DMXL2: variants seen among roughly 807,000 people sequenced by gnomAD.
DMXL2 encodes the protein dmX-like protein 2.
A neutral mutation model predicts 331.1 loss-of-function variants in DMXL2; 103 were observed. The observed-to-expected ratio is 0.31, with a 90% CI of 0.27 to 0.37. DMXL2 has a LOEUF of 0.37. Ranked by LOEUF, DMXL2 falls within the 10% of genes least tolerant of loss-of-function variation. The pLI, the probability that DMXL2 is intolerant of heterozygous loss-of-function variation, is 1.00. For synonymous variants in DMXL2, 1,281 were observed against 1,252.1 expected (o/e 1.02, Z -0.49); for missense variants, 3,171 against 3,642.9 (o/e 0.87, Z 3.33).
chr15:51,606,661 T>G (rs952746622), intron 1 of DMXL2, among the ~76,000 whole-genome samples: 2 of 152,314 alleles, frequency 1.3e-5, no homozygotes, highest in Middle Eastern at 3.4e-3. Flanking sequence ...GGGCCTTAGG[T>G]TATTCCTAAA....
chr15:51,532,590 T>G (rs933659804), intron 13 of DMXL2, among the ~76,000 whole-genome samples: 1 of 152,162 alleles, frequency 6.6e-6, no homozygotes, highest in African/African-American at 2.4e-5. Flanking sequence ...CCATTTTCCA[T>G]TATTTGATTA....
intron 1 of DMXL2, among the ~76,000 whole-genome samples, chr15:51,579,200 T>A (rs114699450): frequency 0.019 from 2,883 of 152,270 alleles, 91 homozygotes; most frequent in African/African-American, 0.065. Flanking sequence ...ATGGAACAAC[T>A]TATGTCTGGT....
chr15:51,518,441 A>G (rs2047159830), intron 13 of DMXL2, among the ~76,000 whole-genome samples: 1 of 152,242 alleles, frequency 6.6e-6, no homozygotes, highest in South Asian at 2.1e-4. Context: ...AAATTTTTGT[A>G]GCACACAACA....
intron 1 of DMXL2, among the ~76,000 whole-genome samples, chr15:51,615,466 T>C (rs1467013197): frequency 1.3e-5 from 2 of 152,222 alleles, no homozygotes; most frequent in African/African-American, 4.8e-5. Context: ...TGTGGAGGAC[T>C]ATCCCGTGCA....
In DMXL2 at chr15:51,488,234, T is replaced by C. The variant is rs532348554; in HGVS notation, c.5052-115A>G. 2.1e-4 allele frequency: 209 copies of C among 1,014,326 alleles called. 3 individuals are homozygous for C. In the African/African-American group the frequency reaches 3.3e-3, roughly 16 times the overall value. 62.8% of individuals were successfully genotyped at this position (1,014,326 alleles called of 1,614,324 possible). On this transcript the variant is annotated intron_variant, in intron 21 of 43. Transcript: ENST00000560891. The stretch of plus-strand genomic sequence containing the variant: ...GAAATCTAAAAGAAGAACAATAACT[T>C]CAAGGACAGGCATTTGTTATCAAGC...
At chr15:51,537,992 C>T (rs1340697684) in intron 10 of DMXL2, among the ~76,000 whole-genome samples, 1 of 152,136 alleles carries the variant, frequency 6.6e-6, no homozygotes, top group Non-Finnish European at 1.5e-5. Flanking sequence ...AAAACCTGTT[C>T]CCCAGAAAAG....
In DMXL2 at chr15:51,502,093, A is replaced by G. The variant is rs549848063; in HGVS notation, c.2992+713T>C. On this transcript the variant is annotated intron_variant, in intron 17 of 43. Coordinates refer to ENST00000560891, the MANE Select transcript of DMXL2 (RefSeq NM_001378457.1). ...AAAATACAAAAAAAATTAGCTGGGC[A>G]TGGTGGTGGATGCCTGTAGTCCCAA... Among the ~76,000 whole-genome samples, 19 of 151,384 alleles carry G rather than the reference A, an allele frequency of 1.3e-4. No individual in the cohort carries two copies. In the East Asian group the frequency reaches 1.6e-3, roughly 12 times the overall value.
At chr15:51,529,736 A>T (rs1475325412) in intron 13 of DMXL2, among the ~76,000 whole-genome samples, 2 of 152,206 alleles carry the variant, frequency 1.3e-5, no homozygotes, top group Admixed American at 6.5e-5. Flanking sequence ...AGAAGGAAGG[A>T]ATACTTTCAA....
At chr15:51,507,894 T>A (rs2046505080) in intron 15 of DMXL2, among the ~76,000 whole-genome samples, 1 of 151,972 alleles carries the variant, frequency 6.6e-6, no homozygotes, top group Non-Finnish European at 1.5e-5. Flanking sequence ...ATGCATTTTT[T>A]AAAAAAAGAC....
In DMXL2 at chr15:51,486,099, G is replaced by A. The variant is rs1595974065; in HGVS notation, c.5456C>T (p.Thr1819Ile). 6.2e-7 allele frequency: 1 copy of A among 1,611,006 alleles called. No homozygotes were observed. The change falls in exon 23 of 44, where the codon ACA (threonine) becomes ATA (isoleucine). Residue 1819 changes from threonine to isoleucine, a missense_variant. Physicochemically the swap from Thr to Ile is moderately conservative, Grantham distance 89. This residue lies in a region of DMXL2 where 252 missense variants were observed against 387.4 expected (regional missense o/e 0.65). Coordinates refer to ENST00000560891, the MANE Select transcript of DMXL2 (RefSeq NM_001378457.1). ...TTGATGTTCATCATCCTCCTTTGGT[G>A]TTTGTTCCAGTAATGTGTCCAAGGC... The part of the protein sequence containing the change: ...TRALDTLLEQ[T>I]PKEDDEHQVI...
intron 1 of DMXL2, among the ~76,000 whole-genome samples, chr15:51,587,396 C>T (rs1240852584): frequency 2.0e-5 from 3 of 152,074 alleles, no homozygotes; most frequent in Non-Finnish European, 2.9e-5. Flanking sequence ...TCAATTCCCA[C>T]CTACGAGTGA....
intron 16 of DMXL2, 28 bp from the exon 17 acceptor site, chr15:51,503,061 A>C (rs531858968): frequency 1.1e-5 from 15 of 1,410,896 alleles, no homozygotes; most frequent in Non-Finnish European, 1.5e-5. Context: ...AAAATTACAA[A>C]ATGTATGTAT....
At chr15:51,533,862 A>G in intron 13 of DMXL2, among the ~76,000 whole-genome samples, 1 of 152,226 alleles carries the variant, frequency 6.6e-6, no homozygotes, top group East Asian at 1.9e-4. Context: ...TAACTGACTC[A>G]GATGGTGCAG....
At chr15:51,575,979 C>T in intron 2 of DMXL2, 77 bp downstream of exon 2, 1 of 1,406,520 alleles carries the variant, frequency 7.1e-7, no homozygotes, top group Non-Finnish European at 9.8e-7. Context: ...GCAAGCTTTG[C>T]ATAAAAGGAT....
intron 42 of DMXL2, chr15:51,450,556 A>C (rs2039043266): frequency 3.6e-6 from 2 of 557,186 alleles, no homozygotes; most frequent in East Asian, 3.2e-5. Flanking sequence ...CCATAATCTC[A>C]ATATGAAATG....
Position 51,547,252 on chromosome 15 carries a change from T to C in DMXL2, c.724A>G (p.Lys242Glu), listed in dbSNP as rs767753740. 1.2e-6 allele frequency: 2 copies of C among 1,611,260 alleles called. No homozygotes were observed. Among genetic ancestry groups the C allele is most frequent in the South Asian group, 1.1e-5 (1 of 90,664 alleles). ...PRAVTGFSWR[K>E]TSKYMPRGSV... is the part of the protein sequence containing the mutation. Reference sequence around the variant, plus strand: ...AACCTGGGCATATACTTGCTAGTTTTGCGCCACGAAAAACCTGTCACAGCT... The same window carrying C: ...AACCTGGGCATATACTTGCTAGTTTCGCGCCACGAAAAACCTGTCACAGCT... The change falls in exon 7 of 44, where the codon AAA becomes GAA. Residue 242 changes from lysine (K) to glutamate (E), a missense_variant. Physicochemically the swap from Lys to Glu is moderately conservative, Grantham distance 56. Around this residue, in one of 7 missense-constraint regions of DMXL2, gnomAD observed 1,674 missense variants for 1,780.2 expected, o/e 0.94. Transcript: ENST00000560891.
chr15:51,502,559 G>C lies in DMXL2; in HGVS notation c.2992+247C>G, dbSNP rs2043745894. Among the ~76,000 whole-genome samples the C allele has an allele frequency of 2.0e-5, 3 of 152,056 alleles. No individual in the cohort carries two copies. The South Asian group carries it at 6.2e-4, about 32-fold the overall frequency. Reference sequence around the variant, plus strand: ...GGTGGTCTCGAACTACTGACCTCAAGTGATCCACCCACCTCAGCCTCCCAA... The same window carrying C: ...GGTGGTCTCGAACTACTGACCTCAACTGATCCACCCACCTCAGCCTCCCAA... On this transcript the variant is annotated intron_variant, in intron 17 of 43. Transcript: ENST00000560891.
chr15:51,621,457 C>T (rs1401213298), intron 1 of DMXL2, among the ~76,000 whole-genome samples: 1 of 152,144 alleles, frequency 6.6e-6, no homozygotes, highest in African/African-American at 2.4e-5. Flanking sequence ...GAACAGTTTA[C>T]AAAATATATT....
Position 51,486,152 on chromosome 15 carries a change from G to T in DMXL2, c.5403C>A (p.Ala1801=), listed in dbSNP as rs376588872. 1 of 1,613,996 alleles carries T rather than the reference G, an allele frequency of 6.2e-7. No homozygotes were observed. The highest frequency in any genetic ancestry group is 8.5e-7 in the Non-Finnish European group (1 of 1,179,956). The change falls in exon 23 of 44, where the codon GCC becomes GCA. Residue 1801 remains alanine (A), a synonymous_variant. Coordinates refer to ENST00000560891, the MANE Select transcript of DMXL2 (RefSeq NM_001378457.1). The part of the protein sequence containing the change: ...LHPDPFLRSL[A]YWVMKDYTRA... ...GGGTGTAATCTTTCATTACCCAATA[G>T]GCAAGACTACGCAGGAAAGGATCAG... is the stretch of plus-strand genomic sequence containing the variant.
Sources: allele counts gnomAD v4.1 joint callset (sites outside exome capture counted in the v4.1 genomes callset), GRCh38; gene constraint gnomAD v4.1.1; regional missense constraint gnomAD v4.1.1; transcripts MANE v1.5; gene names NCBI Gene and HGNC (gene_info 2026-07-23, HGNC 2026-07-21).